NCAM2: variants seen among roughly 807,000 people sequenced by gnomAD.
The protein encoded by NCAM2 is neural cell adhesion molecule 2, also known as N-CAM-2.
In NCAM2, 30 loss-of-function variants were observed where a neutral mutation model predicts 98.1. The ratio of observed to expected loss-of-function variants is 0.31; its 90% confidence interval spans 0.23 to 0.41. NCAM2 has a LOEUF of 0.41. NCAM2 is among the 10% of genes least tolerant of loss of function. The probability of loss-of-function intolerance (pLI) is 1.00; values close to 1 mark genes in which losing one functional copy is unlikely to be tolerated. For missense variants in NCAM2, 867 were observed against 1,005.8 expected, an observed-to-expected ratio of 0.86 and a Z score of 1.87; for synonymous variants, 368 against 342.4, an observed-to-expected ratio of 1.07 and a Z score of -0.83.
chr21:21,049,067 G>A (rs1340512745), intron 1 of NCAM2, among the ~76,000 whole-genome samples: 5 of 138,640 alleles, frequency 3.6e-5, no homozygotes, highest in Admixed American at 7.4e-5. Flanking sequence ...GCTGGACTGC[G>A]GACTGCAGTG....
At chr21:21,355,467 CAAAA>C (rs1191479876) in intron 8 of NCAM2, among the ~76,000 whole-genome samples, 2 of 67,222 alleles carry the variant, frequency 3.0e-5, no homozygotes, top group Non-Finnish European at 5.3e-5. Flanking sequence ...GACTATGTCT[CAAAA>C]AAAAAAAAAA....
At chr21:21,488,614 G>A (rs1986591082) in intron 15 of NCAM2, among the ~76,000 whole-genome samples, 1 of 151,896 alleles carries the variant, frequency 6.6e-6, no homozygotes, top group African/African-American at 2.4e-5. Flanking sequence ...TTTGGGTCTA[G>A]CTTTCAAGAC....
At chr21:21,362,980 C>T (rs949666785) in intron 8 of NCAM2, among the ~76,000 whole-genome samples, 5 of 151,928 alleles carry the variant, frequency 3.3e-5, no homozygotes, top group African/African-American at 9.7e-5. Context: ...TTCACTATAC[C>T]CAGTAGAGTG....
intron 1 of NCAM2, among the ~76,000 whole-genome samples, chr21:21,021,400 C>T (rs2064432644): frequency 6.6e-6 from 1 of 152,154 alleles, no homozygotes; most frequent in South Asian, 2.1e-4. Flanking sequence ...CAGACCTCAT[C>T]AAGCAATGGG....
Position 21,171,269 on chromosome 21 carries a change from T to G in NCAM2, c.56-109309T>G, listed in dbSNP as rs375871757. 3.9e-5 allele frequency among the ~76,000 whole-genome samples: 6 copies of G among 152,304 alleles called. No individual in the cohort carries two copies. The South Asian group carries it at 1.2e-3, about 32-fold the overall frequency. On this transcript the variant is annotated intron_variant, in intron 1 of 17. Transcript: ENST00000400546. ...CAAATGCCTATGCAGCAATGTTCAG[T>G]AAAAGATGAAGCATATACAATTTAG...
intron 1 of NCAM2, among the ~76,000 whole-genome samples, chr21:21,193,840 C>A (rs1245102781): frequency 6.6e-6 from 1 of 151,898 alleles, no homozygotes; most frequent in Non-Finnish European, 1.5e-5. Flanking sequence ...TTGAGAAATT[C>A]CCAACATATT....
intron 12 of NCAM2, among the ~76,000 whole-genome samples, chr21:21,448,092 C>T (rs34579318): frequency 0.026 from 3,907 of 152,150 alleles, 72 homozygotes; most frequent in Middle Eastern, 0.071. Flanking sequence ...GACACATGCA[C>T]ACGTATGTTT....
At chr21:21,147,258 A>G in intron 1 of NCAM2, 3 of 985,258 alleles carry the variant, frequency 3.0e-6, no homozygotes, top group Non-Finnish European at 3.6e-6. Flanking sequence ...AAATGTAAAT[A>G]TTCAGAGATG....
chr21:21,210,172 A>G (rs1041062705), intron 1 of NCAM2, among the ~76,000 whole-genome samples: 3 of 152,208 alleles, frequency 2.0e-5, no homozygotes, highest in Non-Finnish European at 4.4e-5. Context: ...TACATGTTAC[A>G]TTGAGACATT....
chr21:21,377,351 A>T (rs570307399), intron 9 of NCAM2, among the ~76,000 whole-genome samples: 51 of 151,984 alleles, frequency 3.4e-4, no homozygotes, highest in African/African-American at 1.2e-3. Flanking sequence ...AACTATCCCT[A>T]GGCATCCATT....
chr21:21,437,854 T>C (rs1049727180), intron 12 of NCAM2, among the ~76,000 whole-genome samples: 34 of 152,074 alleles, frequency 2.2e-4, no homozygotes, highest in Non-Finnish European at 7.4e-5. Context: ...AGGCTTGTTT[T>C]TCTGGCTATC....
At chr21:21,115,989 G>GTC (rs1555886415) in intron 1 of NCAM2, among the ~76,000 whole-genome samples, 1,697 of 130,670 alleles carry the variant, frequency 0.013, 42 homozygotes, top group Admixed American at 0.047. Flanking sequence ...GTGTGTGTGT[G>GTC]TGTCTGTCTG....
intron 15 of NCAM2, among the ~76,000 whole-genome samples, chr21:21,504,170 A>G (rs1308935399): frequency 6.6e-6 from 1 of 151,970 alleles, no homozygotes; most frequent in Non-Finnish European, 1.5e-5. Flanking sequence ...ACTCTAACAC[A>G]AGTATAAAAA....
At chr21:21,449,481 A>C (rs1218391799) in intron 12 of NCAM2, among the ~76,000 whole-genome samples, 1 of 151,982 alleles carries the variant, frequency 6.6e-6, no homozygotes, top group Non-Finnish European at 1.5e-5. Flanking sequence ...TTAAGTCCCT[A>C]ATCCCAGTGA....
At chr21:21,181,450 T>C (rs2068465040) in intron 1 of NCAM2, among the ~76,000 whole-genome samples, 1 of 152,192 alleles carries the variant, frequency 6.6e-6, no homozygotes, top group Non-Finnish European at 1.5e-5. Flanking sequence ...TAATTTGTTA[T>C]CATGCTTACC....
intron 2 of NCAM2, 77 bp downstream of exon 2, chr21:21,280,729 CTAGT>C (rs1173186466): frequency 2.1e-6 from 2 of 962,730 alleles, no homozygotes; most frequent in East Asian, 2.8e-5. Flanking sequence ...CTAAATTTAA[CTAGT>C]TAAAAACTCA....
intron 1 of NCAM2, among the ~76,000 whole-genome samples, chr21:21,112,405 T>G (rs1477415331): frequency 2.0e-5 from 3 of 152,214 alleles, no homozygotes; most frequent in Non-Finnish European, 4.4e-5. Flanking sequence ...TGGCCTATCC[T>G]TCTCATTTTT....
chr21:21,142,228 C>CAAA (rs1402950520), intron 1 of NCAM2, among the ~76,000 whole-genome samples: 3 of 152,018 alleles, frequency 2.0e-5, no homozygotes, highest in African/African-American at 7.3e-5. Flanking sequence ...TTTTCCTGTC[C>CAAA]ATAGAGTATA....
chr21:21,128,221 T>C (rs1000276789), intron 1 of NCAM2, among the ~76,000 whole-genome samples: 3 of 145,206 alleles, frequency 2.1e-5, no homozygotes, highest in East Asian at 2.1e-4. Context: ...AGAACAAATA[T>C]AGAGTGAATG....
Sources: gnomAD v4.1 joint callset for allele counts (sites outside exome capture counted in the v4.1 genomes callset) on GRCh38, gnomAD v4.1.1 for gene constraint, MANE v1.5 for transcripts, NCBI Gene and HGNC (gene_info 2026-07-23, HGNC 2026-07-21) for gene names.